Variants in FGF14 observed in about 807,000 individuals in gnomAD.
The protein encoded by FGF14 is fibroblast growth factor 14.
Under a neutral mutation model 25.5 loss-of-function variants are expected in FGF14, and 5 were observed. The ratio of observed to expected loss-of-function variants is 0.20; its 90% CI spans 0.10 to 0.41. FGF14 has a LOEUF of 0.41. Ranked by LOEUF, FGF14 falls within the 10% of genes least tolerant of loss-of-function variation. FGF14 has a pLI of 1.00. For missense variants in FGF14, 222 were observed against 320.1 expected (o/e 0.69, Z 2.34); for synonymous variants, 138 against 118.3 (o/e 1.17, Z -1.08).
At chr13:102,116,930 C>T (rs1308212648) in intron 1 of FGF14, among the ~76,000 whole-genome samples, 2 of 152,204 alleles carry the variant, frequency 1.3e-5, no homozygotes, top group East Asian at 3.9e-4. Context: ...ACTGAATGAT[C>T]AGCCCACTTG....
intron 1 of FGF14, among the ~76,000 whole-genome samples, chr13:101,880,442 T>C (rs1267235380): frequency 6.6e-6 from 1 of 151,952 alleles, no homozygotes; most frequent in Non-Finnish European, 1.5e-5. Flanking sequence ...TGGCACACGC[T>C]TGTAATCCCA....
At chr13:102,337,834 G>A (rs1342905355) in intron 1 of FGF14, among the ~76,000 whole-genome samples, 6 of 151,872 alleles carry the variant, frequency 4.0e-5, no homozygotes, top group South Asian at 2.1e-4. Context: ...GATGATTGTC[G>A]GCATTTTTTT....
At chr13:101,768,723 T>G (rs544239860) in intron 3 of FGF14, among the ~76,000 whole-genome samples, 13 of 151,934 alleles carry the variant, frequency 8.6e-5, no homozygotes, top group African/African-American at 2.9e-4. Context: ...AAAGAAAAAG[T>G]AGTCTTTTCA....
chr13:101,841,378 T>G (rs1009187438), intron 3 of FGF14, among the ~76,000 whole-genome samples: 1 of 151,934 alleles, frequency 6.6e-6, no homozygotes, highest in African/African-American at 2.4e-5. Context: ...CAAAGATCTG[T>G]GCTGATTTTT....
At chr13:102,368,619 T>C (rs1476928706) in intron 1 of FGF14, among the ~76,000 whole-genome samples, 1 of 152,196 alleles carries the variant, frequency 6.6e-6, no homozygotes, top group African/African-American at 2.4e-5. Flanking sequence ...ACTTAAGACA[T>C]TGAATGCAGC....
chr13:102,087,407 C>CTTT (rs71125043), intron 1 of FGF14, among the ~76,000 whole-genome samples: 5,921 of 84,064 alleles, frequency 0.07, 965 homozygotes, highest in African/African-American at 0.18. Context: ...ACTGTAATTT[C>CTTT]TTTTTTTTTT....
intron 1 of FGF14, among the ~76,000 whole-genome samples, chr13:102,365,242 A>G (rs1489839333): frequency 1.3e-5 from 2 of 152,094 alleles, no homozygotes; most frequent in Middle Eastern, 3.4e-3. Flanking sequence ...GTCCACACAC[A>G]CACACAGCCT....
chr13:102,031,220 G>A (rs1013259258), intron 1 of FGF14, among the ~76,000 whole-genome samples: 14 of 151,978 alleles, frequency 9.2e-5, no homozygotes, highest in African/African-American at 3.4e-4. Flanking sequence ...TAAAATTAGA[G>A]TCCTGATCAT....
intron 1 of FGF14, among the ~76,000 whole-genome samples, chr13:102,273,729 A>T (rs956822591): frequency 2.6e-5 from 4 of 152,108 alleles, no homozygotes; most frequent in Non-Finnish European, 4.4e-5. Flanking sequence ...CTCTTTCTAC[A>T]GGTCCAGGAG....
chr13:102,054,171 G>A (rs945497769), intron 1 of FGF14, among the ~76,000 whole-genome samples: 1 of 152,134 alleles, frequency 6.6e-6, no homozygotes, highest in Non-Finnish European at 1.5e-5. Context: ...AGAATACTGA[G>A]TCACTTTTTA....
chr13:102,093,515 C>T (rs1314927188), intron 1 of FGF14, among the ~76,000 whole-genome samples: 1 of 152,178 alleles, frequency 6.6e-6, no homozygotes, highest in Non-Finnish European at 1.5e-5. Flanking sequence ...CCATGTAATG[C>T]TAATCATCTC....
intron 1 of FGF14, among the ~76,000 whole-genome samples, chr13:102,336,101 C>T (rs984341310): frequency 6.6e-6 from 1 of 152,136 alleles, no homozygotes; most frequent in African/African-American, 2.4e-5. Context: ...AGAAGAGCTG[C>T]ATGTCTCTCG....
At chr13:101,951,753 T>C (rs2036181843) in intron 1 of FGF14, among the ~76,000 whole-genome samples, 1 of 152,196 alleles carries the variant, frequency 6.6e-6, no homozygotes, top group Admixed American at 6.5e-5. Flanking sequence ...TAATTAATAA[T>C]TATGTGGCCA....
At chr13:102,363,997 G>A (rs1037356756) in intron 1 of FGF14, among the ~76,000 whole-genome samples, 4 of 152,152 alleles carry the variant, frequency 2.6e-5, no homozygotes, top group Non-Finnish European at 5.9e-5. Context: ...CAGCTTCCTT[G>A]TTTGCACCTG....
upstream of FGF14, among the ~76,000 whole-genome samples, chr13:101,918,850 G>A (rs916137300): frequency 7.2e-5 from 11 of 152,192 alleles, no homozygotes; most frequent in Non-Finnish European, 1.6e-4. Context: ...ACTTCTGGAA[G>A]TTTATTTTCT....
At chr13:102,364,641 TTTAGA>T (rs2057657881) in intron 1 of FGF14, among the ~76,000 whole-genome samples, 1 of 152,202 alleles carries the variant, frequency 6.6e-6, no homozygotes, top group African/African-American at 2.4e-5. Context: ...CAGATCTGAC[TTTAGA>T]TTATACAATG....
At chr13:102,373,359 CT>C (rs1370638176) in intron 1 of FGF14, 2 of 152,096 alleles carry the variant, frequency 1.3e-5, no homozygotes, top group Non-Finnish European at 2.9e-5. Context: ...ACTATAAACA[CT>C]GTAAGGTAAA....
At chr13:101,812,587 C>A (rs2041579149) in intron 3 of FGF14, among the ~76,000 whole-genome samples, 1 of 111,106 alleles carries the variant, frequency 9.0e-6, no homozygotes, top group African/African-American at 3.4e-5. Context: ...GCACATATAT[C>A]ACTATTTTTT....
intron 1 of FGF14, among the ~76,000 whole-genome samples, chr13:101,961,819 A>G (rs2036877901): frequency 6.6e-6 from 1 of 152,304 alleles, no homozygotes; most frequent in African/African-American, 2.4e-5. Flanking sequence ...AGGCCTCCCC[A>G]GTCCTGTGAA....
Sources: gnomAD v4.1 joint callset for allele counts (sites outside exome capture counted in the v4.1 genomes callset) on GRCh38, gnomAD v4.1.1 for gene constraint, MANE v1.5 for transcripts, NCBI Gene and HGNC (gene_info 2026-07-23, HGNC 2026-07-21) for gene names.